The following CR1 variants were observed in gnomAD, a reference collection of about 807,000 sequenced individuals.
CR1 encodes the protein complement C3b/C4b receptor 1 (Knops blood group).
A neutral mutation model predicts 187.3 loss-of-function variants in CR1; 116 were observed. The ratio of observed to expected loss-of-function variants is 0.62; its 90% confidence interval spans 0.53 to 0.72. The LOEUF is 0.72. CR1 is among the 30% of genes least tolerant of loss of function. The pLI is 0.00. For missense variants in CR1, 1,731 were observed against 2,110.7 expected (o/e 0.82, Z 3.52); for synonymous variants, 576 against 747.1 (o/e 0.77, Z 3.73).
At chr1:207,582,428 G>T (rs532211784) in intron 32 of CR1, among the ~76,000 whole-genome samples, 1 of 152,058 alleles carries the variant, frequency 6.6e-6, no homozygotes, top group African/African-American at 2.4e-5. Flanking sequence ...TGGGAACTGG[G>T]GATATACCTA....
At position 207,609,377 on chromosome 1, in the gene CR1, C is replaced by A; in HGVS notation, c.5984C>A (p.Thr1995Asn). 6.2e-7 allele frequency: 1 copy of A among 1,613,986 alleles called. No homozygotes were observed. Among genetic ancestry groups the A allele is most frequent in the Non-Finnish European group, 8.5e-7 (1 of 1,179,882 alleles). ...TCTTTTCACAATGGAACGGTGGTAA[C>A]TTACCAGTGCCACACTGGACCAGAT... is the stretch of plus-strand genomic sequence containing the variant. Reference protein sequence around the residue: ...RTSFHNGTVVTYQCHTGPDGE... With the variant: ...RTSFHNGTVVNYQCHTGPDGE... The change falls in exon 37 of 47, where the codon ACT becomes AAT. Residue 1995 changes from threonine to asparagine, a missense_variant. This residue lies in a region of CR1 where 1,312 missense variants were observed against 1,379.6 expected (regional missense o/e 0.95). Transcript: ENST00000367049.
At chr1:207,636,305 A>C (rs1351552818) in intron 46 of CR1, among the ~76,000 whole-genome samples, 2 of 152,096 alleles carry the variant, frequency 1.3e-5, no homozygotes, top group Non-Finnish European at 2.9e-5. Flanking sequence ...CCTGGCACCA[A>C]ATTTAAATGG....
intron 28 of CR1, 141 bp from the exon 29 acceptor site, chr1:207,577,664 G>C (rs1362475621): frequency 4.5e-6 from 6 of 1,325,210 alleles, no homozygotes; most frequent in Non-Finnish European, 6.3e-6. Context: ...CAGCTACTCG[G>C]GAGGTTGAGG....
Position 207,506,002 on chromosome 1 carries a change from C to T in CR1, c.220C>T (p.Arg74Cys), listed in dbSNP as rs536471861. The T allele has an allele frequency of 1.5e-5, 25 of 1,613,880 alleles. No individual in the cohort carries two copies. Among genetic ancestry groups the T allele is most frequent in the East Asian group, 6.7e-5 (3 of 44,884 alleles). The change falls in exon 2 of 47, where the codon CGC becomes TGC. Residue 74 changes from arginine to cysteine, a missense_variant. By Grantham distance (180) the Arg-to-Cys change is radical. Coordinates refer to ENST00000367049, the MANE Select transcript of CR1 (RefSeq NM_000651.6). ...TGGGACATATCTGAACTATGAATGCCGCCCTGGTTATTCCGGAAGACCGTT... is the reference window on the plus strand; with the variant it reads ...TGGGACATATCTGAACTATGAATGCTGCCCTGGTTATTCCGGAAGACCGTT... ...PIGTYLNYEC[R>C]PGYSGRPFSI...
At chr1:207,584,382 C>A (rs1043788997) in intron 32 of CR1, among the ~76,000 whole-genome samples, 1 of 152,084 alleles carries the variant, frequency 6.6e-6, no homozygotes, top group Admixed American at 6.6e-5. Context: ...AAGGAATATA[C>A]TCTTTATTAT....
At chr1:207,598,421 C>CTTTTT (rs11392366) in intron 35 of CR1, among the ~76,000 whole-genome samples, 6 of 148,608 alleles carry the variant, frequency 4.0e-5, no homozygotes, top group Non-Finnish European at 3.0e-5. Flanking sequence ...AAGACAAGAA[C>CTTTTT]TTTTTTTTTT....
intron 4 of CR1, among the ~76,000 whole-genome samples, chr1:207,512,288 A>G (rs1659648477): frequency 6.6e-6 from 1 of 152,246 alleles, no homozygotes; most frequent in Non-Finnish European, 1.5e-5. Context: ...GACCATTATA[A>G]AGAATTCCCT....
At chr1:207,516,575 A>G (rs1659815608) in intron 4 of CR1, among the ~76,000 whole-genome samples, 1 of 152,182 alleles carries the variant, frequency 6.6e-6, no homozygotes, top group Non-Finnish European at 1.5e-5. Context: ...GACTCAGTAG[A>G]TCAATTTGTG....
In CR1 at chr1:207,511,635, T is replaced by A; in HGVS notation, c.468T>A (p.Asn156Lys). The change falls in exon 4 of 47, where the codon AAT becomes AAA. Residue 156 changes from asparagine (N) to lysine (K), a missense_variant. By Grantham distance (94) the Asn-to-Lys change is moderately conservative. Transcript: ENST00000367049. ...IISGDTVIWDNETPICDRIPC... is the reference protein window; with the variant it reads ...IISGDTVIWDKETPICDRIPC... ...CAGGTGATACTGTCATTTGGGATAATGAAACACCTATTTGTGACAGTGAGT... is the reference window on the plus strand; with the variant it reads ...CAGGTGATACTGTCATTTGGGATAAAGAAACACCTATTTGTGACAGTGAGT... 6.2e-7 allele frequency: 1 copy of A among 1,613,186 alleles called. No individual in the cohort carries two copies. The highest frequency in any genetic ancestry group is 8.5e-7 in the Non-Finnish European group (1 of 1,179,328).
intron 1 of CR1, among the ~76,000 whole-genome samples, chr1:207,501,619 T>C (rs1376645683): frequency 1.3e-5 from 2 of 152,218 alleles, no homozygotes; most frequent in East Asian, 1.9e-4. Context: ...ATACTATTCA[T>C]ATACTACTAT....
rs1307410274 is a variant in CR1, at chr1:207,595,375, G to C, written c.5810+6601G>C. Among the ~76,000 whole-genome samples, 7 of 152,032 alleles carry C rather than the reference G, an allele frequency of 4.6e-5. No individual in the cohort carries two copies. In the South Asian group the frequency reaches 8.3e-4, roughly 18 times the overall value. ...AGGCTATAAAGAAAAATACTAAGTT[G>C]ATCCTTGAAGGCTTACTAGACAAAT... On this transcript the variant is annotated intron_variant, in intron 35 of 46. Coordinates refer to ENST00000367049, the MANE Select transcript of CR1 (RefSeq NM_000651.6).
chr1:207,584,652 T>C lies in CR1; in HGVS notation c.5306T>C (p.Ile1769Thr), dbSNP rs767742956. 5.6e-6 allele frequency: 9 copies of C among 1,613,142 alleles called. No individual in the cohort carries two copies. Among genetic ancestry groups the C allele is most frequent in the Middle Eastern group, 1.7e-4 (1 of 6,050 alleles). Reference sequence around the variant, plus strand: ...AGAGCTCTTGTTTTCTTTCTAGATATCTTTTGTCCAAATCCTCCAGCTATC... The same window carrying C: ...AGAGCTCTTGTTTTCTTTCTAGATACCTTTTGTCCAAATCCTCCAGCTATC... ...WNNSVPVCEH[I>T]FCPNPPAILN... Residue 1769 changes from isoleucine (I) to threonine (T), a missense_variant, in exon 33 of 47, where the codon ATC (isoleucine) becomes ACC (threonine). Physicochemically the swap from Ile to Thr is moderately conservative, Grantham distance 89. Around this residue, in one of 5 missense-constraint regions of CR1, gnomAD observed 1,312 missense variants for 1,379.6 expected, o/e 0.95. Transcript: ENST00000367049.
chr1:207,520,972 T>G (rs1659972374), intron 4 of CR1, among the ~76,000 whole-genome samples: 9 of 136,174 alleles, frequency 6.6e-5, no homozygotes, highest in Admixed American at 1.4e-4. Context: ...TTGGTTGTTT[T>G]TTTTTTTTTT....
At chr1:207,621,173 G>A (rs1341618432) in intron 43 of CR1, among the ~76,000 whole-genome samples, 3 of 152,074 alleles carry the variant, frequency 2.0e-5, no homozygotes, top group Non-Finnish European at 4.4e-5. Flanking sequence ...TACTCAGGAG[G>A]CTGAGGCAGG....
intron 5 of CR1, among the ~76,000 whole-genome samples, chr1:207,525,384 G>A (rs1476340092): frequency 2.0e-5 from 3 of 151,948 alleles, no homozygotes; most frequent in Non-Finnish European, 4.4e-5. Context: ...GGAGCCTGGA[G>A]TGATGGTGAA....
rs762783325 is a variant in CR1 at position 207,584,765 on chromosome 1, G to T, written c.5419G>T (p.Gly1807Trp). The change falls in exon 33 of 47, where the codon GGG becomes TGG. Residue 1807 changes from glycine to tryptophan, a missense_variant. By Grantham distance (184) the Gly-to-Trp change is radical (BLOSUM62 -2). This residue lies in a region of CR1 where 1,312 missense variants were observed against 1,379.6 expected (regional missense o/e 0.95). Coordinates refer to ENST00000367049, the MANE Select transcript of CR1 (RefSeq NM_000651.6). ...SYTCDPHPDR[G>W]MTFNLIGEST... ...CACATGTGACCCCCACCCAGACAGA[G>T]GGATGACCTTCAACCTCATTGGGGA... is the stretch of plus-strand genomic sequence containing the variant. 1.7e-5 allele frequency: 27 copies of T among 1,613,796 alleles called. No individual in the cohort carries two copies. Among genetic ancestry groups the T allele is most frequent in the Middle Eastern group, 3.3e-4 (2 of 6,084 alleles).
chr1:207,630,483 A>G (rs745685440), intron 45 of CR1, 34 bp from the exon 46 acceptor site: 1 of 1,362,374 alleles, frequency 7.3e-7, no homozygotes, highest in Non-Finnish European at 1.0e-6. Context: ...TAAATGATTA[A>G]GACAGTTTTT....
intron 35 of CR1, among the ~76,000 whole-genome samples, chr1:207,589,409 CA>C (rs1482201463): frequency 6.6e-6 from 1 of 151,998 alleles, no homozygotes; most frequent in Non-Finnish European, 1.5e-5. Context: ...AAAGGAATAG[CA>C]TCAACATTAA....
intron 4 of CR1, among the ~76,000 whole-genome samples, chr1:207,512,822 T>C (rs760077738): frequency 6.6e-6 from 1 of 152,188 alleles, no homozygotes; most frequent in African/African-American, 2.4e-5. Context: ...ACAAAAAATA[T>C]AATAATACAC....
Sources: gnomAD v4.1 joint callset for allele counts (sites outside exome capture counted in the v4.1 genomes callset) on GRCh38, gnomAD v4.1.1 for gene constraint, gnomAD v4.1.1 regional missense constraint, MANE v1.5 for transcripts, NCBI Gene and HGNC (gene_info 2026-07-23, HGNC 2026-07-21) for gene names.